Variants in SGCD observed in about 807,000 individuals in gnomAD.
SGCD encodes delta-sarcoglycan.
Under a neutral mutation model 36.6 loss-of-function variants are expected in SGCD, and 18 were observed. The ratio of observed to expected loss-of-function variants is 0.49; its 90% confidence interval spans 0.34 to 0.73. The LOEUF is 0.73. Among genes scored for constraint, SGCD ranks in the 30% least tolerant of loss-of-function variants. SGCD has a pLI of 0.01. For missense variants in SGCD, 387 were observed against 346.7 expected, an observed-to-expected ratio of 1.12 and a Z score of -0.92; for synonymous variants, 133 against 130.6, an observed-to-expected ratio of 1.02 and a Z score of -0.12.
intron 3 of SGCD, among the ~76,000 whole-genome samples, chr5:156,445,680 T>C (rs1753728219): frequency 6.6e-6 from 1 of 152,148 alleles, no homozygotes; most frequent in African/African-American, 2.4e-5. Flanking sequence ...GGTTTCCTTC[T>C]CTACAAAATG....
intron 1 of SGCD, among the ~76,000 whole-genome samples, chr5:155,907,562 A>G (rs190300971): frequency 3.1e-3 from 473 of 152,228 alleles, no homozygotes; most frequent in Non-Finnish European, 5.5e-3. Flanking sequence ...AATGACTTTG[A>G]GGAGTTTAAG....
chr5:156,633,900 A>G (rs190969749), intron 6 of SGCD, among the ~76,000 whole-genome samples: 4 of 152,230 alleles, frequency 2.6e-5, no homozygotes, highest in African/African-American at 9.6e-5. Flanking sequence ...CTCTACTTCC[A>G]CACCACAGAG....
intron 3 of SGCD, among the ~76,000 whole-genome samples, chr5:156,310,136 A>G (rs1767353225): frequency 6.6e-6 from 1 of 152,202 alleles, no homozygotes; most frequent in Non-Finnish European, 1.5e-5. Context: ...CTGGGCATGC[A>G]TAATGACTTT....
intron 1 of SGCD, among the ~76,000 whole-genome samples, chr5:156,057,931 T>C (rs1236382609): frequency 6.8e-6 from 1 of 146,372 alleles, no homozygotes; most frequent in Non-Finnish European, 1.5e-5. Flanking sequence ...TTGTCTTACA[T>C]ATACAGGGTA....
At chr5:156,484,506 A>C (rs1755573296) in intron 3 of SGCD, among the ~76,000 whole-genome samples, 1 of 152,202 alleles carries the variant, frequency 6.6e-6, no homozygotes, top group African/African-American at 2.4e-5. Flanking sequence ...ACATTTATAA[A>C]TTCGAAGTTA....
chr5:156,481,741 A>G (rs1354212807), intron 3 of SGCD, among the ~76,000 whole-genome samples: 1 of 152,170 alleles, frequency 6.6e-6, no homozygotes, highest in Non-Finnish European at 1.5e-5. Context: ...AAGGAGACTA[A>G]CAGAAGCCTG....
chr5:155,871,225 C>A (rs990137035), intron 1 of SGCD, among the ~76,000 whole-genome samples: 1 of 152,048 alleles, frequency 6.6e-6, no homozygotes, highest in Non-Finnish European at 1.5e-5. Context: ...AGAATAATAA[C>A]ATTTTTGGAT....
At chr5:156,730,073 A>C (rs1755977719) in intron 7 of SGCD, among the ~76,000 whole-genome samples, 1 of 151,650 alleles carries the variant, frequency 6.6e-6, no homozygotes, top group African/African-American at 2.4e-5. Context: ...ATTGTACCAC[A>C]ATATAGTCCA....
At chr5:156,347,787 G>T (rs1012655287) in intron 3 of SGCD, among the ~76,000 whole-genome samples, 1 of 152,078 alleles carries the variant, frequency 6.6e-6, no homozygotes, top group Non-Finnish European at 1.5e-5. Flanking sequence ...TGTTTTATCT[G>T]GAAGACTTAA....
the SGCD span, among the ~76,000 whole-genome samples, chr5:155,787,604 C>A: frequency 6.6e-6 from 1 of 152,088 alleles, no homozygotes; most frequent in South Asian, 2.1e-4. Context: ...TGTTGTGGTT[C>A]TTCCAGTTGC....
chr5:155,833,053 C>CA, the SGCD span, among the ~76,000 whole-genome samples: 1,300 of 90,312 alleles, frequency 0.014, 49 homozygotes, highest in African/African-American at 0.044. Context: ...ACTAAAAATA[C>CA]GAAAAAAAAA....
At chr5:156,069,338 A>G (rs185099249) in intron 1 of SGCD, among the ~76,000 whole-genome samples, 2 of 152,184 alleles carry the variant, frequency 1.3e-5, no homozygotes, top group East Asian at 1.9e-4. Flanking sequence ...AGCTTTCCAT[A>G]TATGGCTAGC....
intron 2 of SGCD, among the ~76,000 whole-genome samples, chr5:156,335,765 T>A (rs1768321150): frequency 6.6e-6 from 1 of 152,158 alleles, no homozygotes; most frequent in African/African-American, 2.4e-5. Context: ...CTCCTGTCCT[T>A]TTTGACGCCC....
the SGCD span, among the ~76,000 whole-genome samples, chr5:155,729,035 G>A: frequency 6.6e-6 from 1 of 152,248 alleles, no homozygotes; most frequent in African/African-American, 2.4e-5. Context: ...CCAGCTAGCG[G>A]CTTGCATGGA....
At chr5:156,120,468 G>T (rs1235451936) in intron 2 of SGCD, among the ~76,000 whole-genome samples, 2 of 152,132 alleles carry the variant, frequency 1.3e-5, no homozygotes, top group Non-Finnish European at 2.9e-5. Flanking sequence ...AAGAAAAACT[G>T]CTAGAACAAA....
the SGCD span, among the ~76,000 whole-genome samples, chr5:155,749,527 TTTCA>T: frequency 6.6e-6 from 1 of 152,222 alleles, no homozygotes; most frequent in African/African-American, 2.4e-5. Flanking sequence ...AACTCAAGAA[TTTCA>T]TTCAGTGTAT....
chr5:155,872,612 C>T (rs748058393), intron 1 of SGCD, among the ~76,000 whole-genome samples: 51 of 152,084 alleles, frequency 3.4e-4, no homozygotes, highest in Admixed American at 2.0e-3. Context: ...GTGTACATTT[C>T]TTTTGCCATC....
At chr5:156,344,756 A>G in intron 3 of SGCD, 79 bp downstream of exon 3, 7 of 1,145,546 alleles carry the variant, frequency 6.1e-6, no homozygotes, top group African/African-American at 4.7e-5. Flanking sequence ...GAATGTGGAA[A>G]AGTGATATTA....
At chr5:155,761,619 A>T in the SGCD span, among the ~76,000 whole-genome samples, 38 of 120,356 alleles carry the variant, frequency 3.2e-4, no homozygotes, top group African/African-American at 1.4e-3. Context: ...CATCATCCTC[A>T]TCATCACTCT....
Sources: allele counts gnomAD v4.1 joint callset (sites outside exome capture counted in the v4.1 genomes callset), GRCh38; gene constraint gnomAD v4.1.1; transcripts MANE v1.5; gene names NCBI Gene and HGNC (gene_info 2026-07-23, HGNC 2026-07-21).